The following CCSER1 variants were observed in gnomAD, a reference collection of about 807,000 sequenced individuals.
CCSER1 encodes the protein coiled-coil serine rich protein 1, also known as serine-rich coiled-coil domain-containing protein 1.
Under a neutral mutation model 82.0 loss-of-function variants are expected in CCSER1, and 41 were observed. The ratio of observed to expected loss-of-function variants is 0.50; its 90% CI spans 0.39 to 0.65. The LOEUF (loss-of-function observed/expected upper bound fraction) is 0.65, where lower values mean the gene tolerates loss of function less well. Among genes scored for constraint, CCSER1 ranks in the 30% least tolerant of loss-of-function variants. The pLI is 0.00. For missense variants in CCSER1, 1,119 were observed against 1,064.2 expected, an observed-to-expected ratio of 1.05 and a Z score of -0.72; for synonymous variants, 414 against 383.9, an observed-to-expected ratio of 1.08 and a Z score of -0.92.
intron 1 of CCSER1, among the ~76,000 whole-genome samples, chr4:90,230,703 A>G (rs1208687519): frequency 6.6e-6 from 1 of 150,536 alleles, no homozygotes; most frequent in Non-Finnish European, 1.5e-5. Flanking sequence ...TGAAAGGATC[A>G]ACAAAATTGA....
intron 5 of CCSER1, among the ~76,000 whole-genome samples, chr4:90,482,357 G>C (rs1190650063): frequency 1.3e-5 from 2 of 152,010 alleles, no homozygotes; most frequent in Admixed American, 6.6e-5. Flanking sequence ...AGGGCTTTTT[G>C]TGTCTCTATT....
At chr4:90,871,919 C>A (rs1358528008) in intron 8 of CCSER1, among the ~76,000 whole-genome samples, 2 of 151,626 alleles carry the variant, frequency 1.3e-5, no homozygotes, top group Non-Finnish European at 3.0e-5. Flanking sequence ...TAAATAATGA[C>A]CATCTCTGTT....
chr4:91,159,485 T>C lies in CCSER1; in HGVS notation c.2217+73491T>C, dbSNP rs1045183138. Among the ~76,000 whole-genome samples the C allele has an allele frequency of 3.9e-5, 6 of 152,084 alleles. No individual in the cohort carries two copies. The East Asian group carries it at 1.2e-3, about 29-fold the overall frequency. ...ATTATGTCTGTTAGTAGTATACATG[T>C]CCTTTTAAGATAAATTTGGAAACAT... is the stretch of plus-strand genomic sequence containing the variant. On this transcript the variant is annotated intron_variant, in intron 10 of 10. Coordinates refer to ENST00000509176, the MANE Select transcript of CCSER1 (RefSeq NM_001145065.2).
intron 3 of CCSER1, among the ~76,000 whole-genome samples, chr4:90,332,841 C>G (rs1161258336): frequency 6.6e-6 from 1 of 152,052 alleles, no homozygotes; most frequent in Non-Finnish European, 1.5e-5. Flanking sequence ...TTAACCTTGC[C>G]ACAGTATTTT....
chr4:91,274,788 A>C (rs113228981), intron 10 of CCSER1, among the ~76,000 whole-genome samples: 1 of 152,140 alleles, frequency 6.6e-6, no homozygotes, highest in Admixed American at 6.5e-5. Flanking sequence ...CAATAAACAT[A>C]TGGGTGCAAG....
At chr4:90,335,069 G>A (rs185575562) in intron 3 of CCSER1, among the ~76,000 whole-genome samples, 28 of 152,242 alleles carry the variant, frequency 1.8e-4, no homozygotes, top group African/African-American at 4.1e-4. Context: ...AAGTAGCAGC[G>A]GGTTTTTGGT....
At chr4:91,346,229 A>G (rs1039102482) in intron 10 of CCSER1, among the ~76,000 whole-genome samples, 3 of 151,872 alleles carry the variant, frequency 2.0e-5, no homozygotes, top group African/African-American at 7.3e-5. Context: ...GTTGGCCAGG[A>G]TGGTCTCGAC....
chr4:90,936,716 A>G (rs77957753), intron 9 of CCSER1, among the ~76,000 whole-genome samples: 1,587 of 152,278 alleles, frequency 0.01, 14 homozygotes, highest in Middle Eastern at 0.037. Context: ...GATTTCTAAA[A>G]TGTATAATAT....
chr4:90,944,341 C>A (rs1490807089), intron 9 of CCSER1, among the ~76,000 whole-genome samples: 1 of 151,914 alleles, frequency 6.6e-6, no homozygotes, highest in Non-Finnish European at 1.5e-5. Flanking sequence ...TACAAAAGAC[C>A]GCATTGTCAA....
intron 10 of CCSER1, among the ~76,000 whole-genome samples, chr4:91,594,697 C>T (rs1764476780): frequency 6.6e-6 from 1 of 151,878 alleles, no homozygotes; most frequent in Admixed American, 6.6e-5. Context: ...TCTTCAAGAT[C>T]TAAATTCTAT....
intron 7 of CCSER1, among the ~76,000 whole-genome samples, chr4:90,792,773 G>A (rs936958890): frequency 6.6e-6 from 1 of 152,200 alleles, no homozygotes; most frequent in Non-Finnish European, 1.5e-5. Flanking sequence ...CAGGCAAGGT[G>A]GGCAATGCCT....
intron 5 of CCSER1, among the ~76,000 whole-genome samples, chr4:90,529,973 G>T (rs1018327793): frequency 6.7e-6 from 1 of 150,210 alleles, no homozygotes. Flanking sequence ...TCTAATGGTA[G>T]AGAATATCTG....
chr4:91,379,957 T>C (rs191175047), intron 10 of CCSER1, among the ~76,000 whole-genome samples: 2,990 of 152,202 alleles, frequency 0.02, 75 homozygotes, highest in African/African-American at 0.067. Flanking sequence ...TGTTTGTTCT[T>C]GTTGGTTTCA....
intron 5 of CCSER1, among the ~76,000 whole-genome samples, chr4:90,616,339 A>G (rs983423189): frequency 1.3e-5 from 2 of 152,082 alleles, no homozygotes; most frequent in Non-Finnish European, 2.9e-5. Context: ...TTTGGTTAAA[A>G]TTTCCAGTAT....
chr4:90,595,895 A>G (rs1783275732), intron 5 of CCSER1, among the ~76,000 whole-genome samples: 1 of 151,988 alleles, frequency 6.6e-6, no homozygotes, highest in Admixed American at 6.6e-5. Flanking sequence ...GTTGTAATTG[A>G]TTTAATATGG....
In CCSER1 at chr4:90,772,120, A is replaced by G. The variant is rs572562618; in HGVS notation, c.2011-43642A>G. Reference sequence around the variant, plus strand: ...GTGTTATTCAATAAAAAAGGAAATAATTTTTCAGAAAGCATGTAAGATATA... The same window carrying G: ...GTGTTATTCAATAAAAAAGGAAATAGTTTTTCAGAAAGCATGTAAGATATA... On this transcript the variant is annotated intron_variant, in intron 7 of 10. Transcript: ENST00000509176. 2.0e-5 allele frequency among the ~76,000 whole-genome samples: 3 copies of G among 152,262 alleles called. No individual in the cohort carries two copies. In the South Asian group the frequency reaches 6.2e-4, roughly 32 times the overall value.
At chr4:91,544,757 C>T (rs935437109) in intron 10 of CCSER1, among the ~76,000 whole-genome samples, 1 of 150,638 alleles carries the variant, frequency 6.6e-6, no homozygotes, top group Non-Finnish European at 1.5e-5. Context: ...ACTCGGGGGT[C>T]AGGGACCCAC....
intron 1 of CCSER1, among the ~76,000 whole-genome samples, chr4:90,131,868 A>G (rs899880012): frequency 6.6e-6 from 1 of 152,146 alleles, no homozygotes; most frequent in Non-Finnish European, 1.5e-5. Flanking sequence ...TTGTGTATAT[A>G]GGTTGATTTT....
rs1189309598 is a variant in CCSER1, at chr4:90,271,826, TTATATATA to T, written c.-41-36388_-41-36381del. Among the ~76,000 whole-genome samples, 150 of 42,860 alleles carry T rather than the reference TTATATATA, an allele frequency of 3.5e-3. 2 individuals carry two copies. The highest frequency in any genetic ancestry group is 4.5e-3 in the Non-Finnish European group (107 of 23,598). The allele number at this position is 42,860 out of a possible 152,430, so 28.1% of individuals were successfully genotyped here. On this transcript the variant is annotated intron_variant, in intron 1 of 10. Coordinates refer to ENST00000509176, the MANE Select transcript of CCSER1 (RefSeq NM_001145065.2). ...AAGATACTACCTGAGACTGGACAAT[TTATATATA>T]TATATATATATATATATATATATAT...
Sources: allele counts gnomAD v4.1 joint callset (sites outside exome capture counted in the v4.1 genomes callset), GRCh38; gene constraint gnomAD v4.1.1; transcripts MANE v1.5; gene names NCBI Gene and HGNC (gene_info 2026-07-23, HGNC 2026-07-21).